Variants in SPHKAP observed in about 807,000 individuals in gnomAD.
SPHKAP encodes the protein SPHK1 interactor, AKAP domain containing, also known as A-kinase anchor protein SPHKAP.
In SPHKAP, 67 loss-of-function variants were observed where a neutral mutation model predicts 137.5. The ratio of observed to expected loss-of-function variants is 0.49; its 90% CI spans 0.40 to 0.60. SPHKAP has a LOEUF of 0.60. Ranked by LOEUF, SPHKAP falls within the 20% of genes least tolerant of loss-of-function variation. The probability of loss-of-function intolerance (pLI) is 0.00; values close to 1 mark genes in which losing one functional copy is unlikely to be tolerated. For synonymous variants in SPHKAP, 813 were observed against 785.3 expected (o/e 1.04, Z -0.59); for missense variants, 2,097 against 2,069.3 (o/e 1.01, Z -0.26).
intron 1 of SPHKAP, among the ~76,000 whole-genome samples, chr2:228,151,182 T>C (rs1035043358): frequency 6.8e-6 from 1 of 148,104 alleles, no homozygotes; most frequent in Non-Finnish European, 1.5e-5. Context: ...GAACATGCGG[T>C]GTTTGGTTTT....
At chr2:228,055,156 A>AAAAAAAAAAAC (rs1696394554) in intron 3 of SPHKAP, among the ~76,000 whole-genome samples, 1 of 151,318 alleles carries the variant, frequency 6.6e-6, no homozygotes, top group African/African-American at 2.4e-5. Flanking sequence ...AAAAAAAAAA[A>AAAAAAAAAAAC]AAAGTGGTTT....
At chr2:228,148,017 G>C (rs1699828057) in intron 1 of SPHKAP, among the ~76,000 whole-genome samples, 1 of 152,178 alleles carries the variant, frequency 6.6e-6, no homozygotes, top group Admixed American at 6.5e-5. Context: ...TCCGGCCTGT[G>C]CTCTTTCCTG....
Position 228,145,414 on chromosome 2 carries a change from T to G in SPHKAP, c.33-13329A>C, listed in dbSNP as rs373837118. ...AAATATTTAAAGCCTGTAGAAAAATTTTTAAAGAAGAACCAAACATGCAGC... is the reference window on the plus strand; with the variant it reads ...AAATATTTAAAGCCTGTAGAAAAATGTTTAAAGAAGAACCAAACATGCAGC... On this transcript the variant is annotated intron_variant, in intron 1 of 11. Transcript: ENST00000392056. Among the ~76,000 whole-genome samples, 3 of 152,250 alleles carry G rather than the reference T, an allele frequency of 2.0e-5. No homozygotes were observed. In the East Asian group the frequency reaches 5.8e-4, roughly 29 times the overall value.
chr2:228,064,797 G>A (rs992644564), intron 3 of SPHKAP, among the ~76,000 whole-genome samples: 1 of 152,172 alleles, frequency 6.6e-6, no homozygotes, highest in Non-Finnish European at 1.5e-5. Context: ...AGGAAAGTGT[G>A]GCACTATAGT....
At chr2:228,123,427 T>A (rs1163471770) in intron 2 of SPHKAP, among the ~76,000 whole-genome samples, 1 of 152,238 alleles carries the variant, frequency 6.6e-6, no homozygotes, top group Non-Finnish European at 1.5e-5. Context: ...GGGGAAATTC[T>A]TGTGTCTTCC....
chr2:228,051,017 G>A (rs1696235290), intron 3 of SPHKAP, among the ~76,000 whole-genome samples: 1 of 151,976 alleles, frequency 6.6e-6, no homozygotes, highest in East Asian at 1.9e-4. Flanking sequence ...TGTTGTCCAG[G>A]CTGGTTTTGA....
chr2:228,132,703 AAT>A (rs1445018133), intron 1 of SPHKAP: 1 of 155,716 alleles, frequency 6.4e-6, no homozygotes, highest in Non-Finnish European at 1.4e-5. Flanking sequence ...ATATTTTAAA[AAT>A]ATTTAAAATT....
intron 1 of SPHKAP, among the ~76,000 whole-genome samples, chr2:228,136,654 A>C (rs1699446749): frequency 6.6e-6 from 1 of 152,246 alleles, no homozygotes; most frequent in Non-Finnish European, 1.5e-5. Context: ...TTAGACACCC[A>C]GAAACTCAGA....
At chr2:228,078,743 G>A (rs1697261337) in intron 3 of SPHKAP, among the ~76,000 whole-genome samples, 2 of 152,188 alleles carry the variant, frequency 1.3e-5, no homozygotes, top group Admixed American at 1.3e-4. Flanking sequence ...GAAGGACAGT[G>A]TGACATTACT....
At chr2:228,051,193 G>C (rs776638521) in intron 3 of SPHKAP, among the ~76,000 whole-genome samples, 3 of 152,074 alleles carry the variant, frequency 2.0e-5, no homozygotes, top group Non-Finnish European at 4.4e-5. Flanking sequence ...GTTGTGATCA[G>C]GTAATTATTG....
At chr2:228,000,653 T>C (rs1245893661) in intron 7 of SPHKAP, among the ~76,000 whole-genome samples, 3 of 151,590 alleles carry the variant, frequency 2.0e-5, no homozygotes, top group Non-Finnish European at 2.9e-5. Context: ...TAAAATAAAA[T>C]ACATAAAAGA....
intron 1 of SPHKAP, among the ~76,000 whole-genome samples, chr2:228,147,257 A>G (rs1037327561): frequency 2.6e-5 from 4 of 152,214 alleles, no homozygotes; most frequent in African/African-American, 9.6e-5. Flanking sequence ...TTATAACTCC[A>G]TGCTTTTGTC....
At chr2:227,989,491 T>TG (rs1693332791) in intron 11 of SPHKAP, among the ~76,000 whole-genome samples, 2 of 152,190 alleles carry the variant, frequency 1.3e-5, no homozygotes, top group South Asian at 4.1e-4. Context: ...CCCTAATCCC[T>TG]GGGACCATGA....
chr2:227,992,396 A>G (rs961585701), intron 9 of SPHKAP, among the ~76,000 whole-genome samples: 3 of 152,196 alleles, frequency 2.0e-5, no homozygotes, highest in African/African-American at 7.2e-5. Flanking sequence ...TGGGAGGCAC[A>G]GTTTCTGCTG....
chr2:228,048,947 G>T, intron 3 of SPHKAP, among the ~76,000 whole-genome samples: 1 of 152,092 alleles, frequency 6.6e-6, no homozygotes, highest in African/African-American at 2.4e-5. Flanking sequence ...TTCTCAGGAT[G>T]CATTCCTGTC....
chr2:228,141,716 G>A (rs541375523), intron 1 of SPHKAP, among the ~76,000 whole-genome samples: 6 of 151,964 alleles, frequency 3.9e-5, no homozygotes, highest in African/African-American at 9.7e-5. Flanking sequence ...CTGTTCATGC[G>A]TACAATTTTA....
intron 3 of SPHKAP, among the ~76,000 whole-genome samples, chr2:228,104,367 TATC>T (rs1241997549): frequency 6.2e-5 from 9 of 144,358 alleles, no homozygotes; most frequent in South Asian, 4.2e-4. Flanking sequence ...ATAATATAAA[TATC>T]ATTATATTAT....
chr2:228,036,686 T>C (rs867590522), intron 3 of SPHKAP, among the ~76,000 whole-genome samples: 1 of 152,078 alleles, frequency 6.6e-6, no homozygotes, highest in Non-Finnish European at 1.5e-5. Context: ...ATATACACCA[T>C]GGAATACTAT....
At chr2:228,114,303 C>G (rs779630716) in intron 2 of SPHKAP, among the ~76,000 whole-genome samples, 2 of 152,028 alleles carry the variant, frequency 1.3e-5, no homozygotes, top group Admixed American at 6.6e-5. Flanking sequence ...ATATAGAGAA[C>G]CAAGTTGAAG....
Sources: allele counts gnomAD v4.1 joint callset (sites outside exome capture counted in the v4.1 genomes callset), GRCh38; gene constraint gnomAD v4.1.1; transcripts MANE v1.5; gene names NCBI Gene and HGNC (gene_info 2026-07-23, HGNC 2026-07-21).